The following SHLD1 variants were observed in gnomAD, a reference collection of about 807,000 sequenced individuals.
SHLD1 encodes RINN1-REV7-interacting novel NHEJ regulator 3.
SHLD1 carries 3 observed loss-of-function variants against 5.5 expected under a neutral mutation model. That is an observed-to-expected ratio of 0.54 (90% CI 0.25 to 1.40). SHLD1 has a LOEUF of 1.40. Among genes scored for constraint, SHLD1 ranks in the 40% most tolerant of loss-of-function variants. SHLD1 has a pLI of 0.15. For missense variants in SHLD1, 210 were observed against 244.4 expected (o/e 0.86, Z 0.94); for synonymous variants, 92 against 94.3 (o/e 0.98, Z 0.14).
intron 2 of SHLD1, among the ~76,000 whole-genome samples, chr20:5,780,337 C>T (rs964779327): frequency 2.0e-5 from 3 of 152,080 alleles, no homozygotes; most frequent in African/African-American, 7.2e-5. Flanking sequence ...AATCCAGACA[C>T]AGAGTTGGCA....
At chr20:5,837,472 C>G (rs757954147) in intron 2 of SHLD1, among the ~76,000 whole-genome samples, 21 of 152,164 alleles carry the variant, frequency 1.4e-4, no homozygotes, top group Non-Finnish European at 2.8e-4. Context: ...CACACACCCC[C>G]CACCTCCAAC....
intron 2 of SHLD1, among the ~76,000 whole-genome samples, chr20:5,798,744 A>C (rs2087248809): frequency 6.6e-6 from 1 of 151,394 alleles, no homozygotes; most frequent in African/African-American, 2.4e-5. Context: ...CAACCTCCAG[A>C]GTAGCTGGGA....
At chr20:5,758,775 G>T (rs186474431) in intron 1 of SHLD1, among the ~76,000 whole-genome samples, 202 of 152,196 alleles carry the variant, frequency 1.3e-3, no homozygotes, top group African/African-American at 4.7e-3. Flanking sequence ...CAGGCAAAGA[G>T]GTGGGAGGAC....
intron 2 of SHLD1, among the ~76,000 whole-genome samples, chr20:5,841,170 A>T (rs1011494647): frequency 2.1e-5 from 3 of 146,310 alleles, no homozygotes; most frequent in Non-Finnish European, 4.6e-5. Context: ...GAAAATAGCG[A>T]GTGTGTGTGT....
At position 5,802,745 on chromosome 20, in the gene SHLD1, CAG is replaced by C. The variant is rs562089587; in HGVS notation, c.178+29703_178+29704del. On this transcript the variant is annotated intron_variant, in intron 2 of 2. Transcript: ENST00000303142. ...CACTGCAGCCTAGACCTCCTGGGCT[CAG>C]GTGATCTTCCCACCTCAGCCTCCTG... is the stretch of plus-strand genomic sequence containing the variant. Among the ~76,000 whole-genome samples, 38 of 152,200 alleles carry C rather than the reference CAG, an allele frequency of 2.5e-4. No individual in the cohort carries two copies. The South Asian group carries it at 5.4e-3, about 22-fold the overall frequency.
intron 2 of SHLD1, among the ~76,000 whole-genome samples, chr20:5,788,236 T>TAAATTTGTA (rs2087088601): frequency 6.6e-6 from 1 of 152,190 alleles, no homozygotes; most frequent in Non-Finnish European, 1.5e-5. Flanking sequence ...CAAATTTAAA[T>TAAATTTGTA]AAATTGTAAA....
At chr20:5,830,787 G>A (rs2087720408) in intron 2 of SHLD1, among the ~76,000 whole-genome samples, 1 of 151,888 alleles carries the variant, frequency 6.6e-6, no homozygotes, top group Non-Finnish European at 1.5e-5. Context: ...TGGGGTTCTG[G>A]TGCTGTTCTG....
chr20:5,771,233 A>G (rs1342883237), intron 1 of SHLD1, among the ~76,000 whole-genome samples: 1 of 152,168 alleles, frequency 6.6e-6, no homozygotes, highest in Non-Finnish European at 1.5e-5. Flanking sequence ...TGTAGGTTCT[A>G]TTGGTCATCT....
intron 2 of SHLD1, 138 bp downstream of exon 2, chr20:5,773,181 A>G: frequency 1.0e-6 from 1 of 986,684 alleles, no homozygotes; most frequent in Non-Finnish European, 1.6e-6. Flanking sequence ...CATCTTACCT[A>G]AGCAAAGCTT....
At chr20:5,764,146 ATATATTTATATT>A (rs1215101404) in intron 1 of SHLD1, among the ~76,000 whole-genome samples, 19 of 53,464 alleles carry the variant, frequency 3.6e-4, no homozygotes, top group East Asian at 8.7e-4. Context: ...AAAAATATAT[ATATATTTATATT>A]TATATATATA....
chr20:5,799,533 A>G (rs1214892144), intron 2 of SHLD1, among the ~76,000 whole-genome samples: 1 of 139,998 alleles, frequency 7.1e-6, no homozygotes, highest in Non-Finnish European at 1.5e-5. Context: ...GGCTGGTCTC[A>G]AAACTCCTGA....
intron 2 of SHLD1, among the ~76,000 whole-genome samples, chr20:5,825,524 A>G (rs1256516005): frequency 2.0e-5 from 3 of 152,262 alleles, no homozygotes; most frequent in Admixed American, 2.0e-4. Flanking sequence ...TTCTGACATT[A>G]ATAGCCATGT....
rs561744864 is a variant in SHLD1 at position 5,858,936 on chromosome 20, C to G, written c.179-4088C>G. On this transcript the variant is annotated intron_variant, in intron 2 of 2. Coordinates refer to ENST00000303142, the MANE Select transcript of SHLD1 (RefSeq NM_152504.4). ...AAAGCATTGTGATATCAAGCCCTGC[C>G]CTCCTCCTTTTCTTCTTGTAAATTT... Among the ~76,000 whole-genome samples the G allele has an allele frequency of 1.3e-4, 20 of 152,264 alleles. 1 individual carries two copies. The highest frequency in any genetic ancestry group is 4.6e-4 in the African/African-American group (19 of 41,550).
chr20:5,853,444 T>A (rs1448155706), intron 2 of SHLD1, among the ~76,000 whole-genome samples: 1 of 152,156 alleles, frequency 6.6e-6, no homozygotes, highest in Non-Finnish European at 1.5e-5. Flanking sequence ...AGACTCCATC[T>A]CAAAAATAAA....
At chr20:5,844,797 A>ATTT (rs1332769444) in intron 2 of SHLD1, among the ~76,000 whole-genome samples, 3,643 of 94,870 alleles carry the variant, frequency 0.038, 92 homozygotes, top group East Asian at 0.15. Context: ...ATATATATAT[A>ATTT]TATTTTTTTT....
chr20:5,844,785 A>ATTTT lies in SHLD1; in HGVS notation c.179-18238_179-18237insTTTT, dbSNP rs1451016272. Among the ~76,000 whole-genome samples, 146 of 102,332 alleles carry ATTTT rather than the reference A, an allele frequency of 1.4e-3. 2 individuals carry two copies. Among genetic ancestry groups the ATTTT allele is most frequent in the East Asian group, 7.8e-3 (21 of 2,686 alleles). 67.1% of individuals were successfully genotyped at this position (102,332 alleles called of 152,430 possible). ...GTGTAGTAGACATATATATATATAT[A>ATTTT]TATATATATATATATTTTTTTTTTT... On this transcript the variant is annotated intron_variant, in intron 2 of 2. Transcript: ENST00000303142.
At chr20:5,797,890 C>A (rs780331303) in intron 2 of SHLD1, among the ~76,000 whole-genome samples, 22 of 152,140 alleles carry the variant, frequency 1.4e-4, no homozygotes, top group Admixed American at 2.6e-4. Context: ...GTAGATATGA[C>A]CCTCTGTTCT....
intron 2 of SHLD1, among the ~76,000 whole-genome samples, chr20:5,831,561 C>T (rs551787472): frequency 9.9e-5 from 15 of 152,170 alleles, no homozygotes; most frequent in Admixed American, 8.5e-4. Context: ...GGTGACTGGC[C>T]GGCAAACATT....
chr20:5,786,736 G>T (rs1036976507), intron 2 of SHLD1, among the ~76,000 whole-genome samples: 1 of 152,164 alleles, frequency 6.6e-6, no homozygotes, highest in East Asian at 1.9e-4. Flanking sequence ...GCCTTGCTGG[G>T]CTCCCCACTG....
Sources: gnomAD v4.1 joint callset for allele counts (sites outside exome capture counted in the v4.1 genomes callset) on GRCh38, gnomAD v4.1.1 for gene constraint, MANE v1.5 for transcripts, NCBI Gene and HGNC (gene_info 2026-07-23, HGNC 2026-07-21) for gene names.